OTOG: variants seen among roughly 807,000 people sequenced by gnomAD.
OTOG encodes otogelin.
In OTOG, 296 loss-of-function variants were observed where a neutral mutation model predicts 313.8. The ratio of observed to expected loss-of-function variants is 0.94; its 90% CI spans 0.86 to 1.04. The LOEUF (loss-of-function observed/expected upper bound fraction) is 1.04, where lower values mean the gene tolerates loss of function less well. Among genes scored for constraint, OTOG ranks in the 50% least tolerant of loss-of-function variants. The pLI is 0.00. For missense variants in OTOG, 3,948 were observed against 3,840.1 expected (o/e 1.03, Z -0.74); for synonymous variants, 1,533 against 1,554.9 (o/e 0.99, Z 0.33).
chr11:17,551,864 G>A (rs1038029896), intron 3 of OTOG, 136 bp from the exon 4 acceptor site: 1 of 714,654 alleles, frequency 1.4e-6, no homozygotes, highest in Non-Finnish European at 2.4e-6. Context: ...GCGAGGAGGA[G>A]TGGCTGGGGC....
chr11:17,623,333 T>C (rs1853909938), intron 39 of OTOG, among the ~76,000 whole-genome samples: 1 of 152,164 alleles, frequency 6.6e-6, no homozygotes, highest in East Asian at 1.9e-4. Flanking sequence ...GTATCTGTTG[T>C]TCCCCTCTAC....
Position 17,600,439 on chromosome 11 carries a change from A to T in OTOG, c.3709+742A>T, listed in dbSNP as rs1416287100. 2.0e-5 allele frequency among the ~76,000 whole-genome samples: 3 copies of T among 152,092 alleles called. No individual in the cohort carries two copies. The East Asian group carries it at 5.8e-4, about 29-fold the overall frequency. Reference sequence around the variant, plus strand: ...TCCAATCCCCGACCCTCCTCCAGGGACTGTGCTGCCAGGAGCAGGCCTATG... The same window carrying T: ...TCCAATCCCCGACCCTCCTCCAGGGTCTGTGCTGCCAGGAGCAGGCCTATG... On this transcript the variant is annotated intron_variant, in intron 31 of 55. Coordinates refer to ENST00000399397, the MANE Select transcript of OTOG (RefSeq NM_001292063.2).
In OTOG at chr11:17,639,483, C is replaced by G. The variant is rs1230976025; in HGVS notation, c.7935+20C>G. 2.6e-6 allele frequency: 4 copies of G among 1,549,924 alleles called. No individual in the cohort carries two copies. In the East Asian group the frequency reaches 7.3e-5, roughly 28 times the overall value. ...CATCTGGTATGGAGACGCTCCTCCC[C>G]CAACACTCCCTGGTCTGCTCCCCTT... is the stretch of plus-strand genomic sequence containing the variant. On this transcript the variant is annotated intron_variant, in intron 49 of 55. Transcript: ENST00000399397.
At chr11:17,612,062 G>T (rs1460129670) in intron 36 of OTOG, 100 bp from the exon 37 acceptor site, 3 of 1,396,900 alleles carry the variant, frequency 2.1e-6, no homozygotes, top group Non-Finnish European at 2.9e-6. Context: ...CCCCTGCCCC[G>T]CTAGGACCTA....
At chr11:17,549,027 G>A (rs1048817329) in intron 3 of OTOG, among the ~76,000 whole-genome samples, 31 of 152,220 alleles carry the variant, frequency 2.0e-4, no homozygotes, top group African/African-American at 7.5e-4. Flanking sequence ...TCTATCCTTT[G>A]AGTCTTGACC....
intron 23 of OTOG, among the ~76,000 whole-genome samples, chr11:17,584,987 T>C (rs1852759611): frequency 6.6e-6 from 1 of 152,252 alleles, no homozygotes; most frequent in Admixed American, 6.5e-5. Flanking sequence ...CTGTGGTCTG[T>C]GGTTTTCCAT....
chr11:17,644,538 A>C (rs1164827316), intron 54 of OTOG, among the ~76,000 whole-genome samples: 2 of 152,250 alleles, frequency 1.3e-5, no homozygotes, highest in Non-Finnish European at 2.9e-5. Context: ...TGGAGCTGAT[A>C]TTTAGTGGGA....
intron 15 of OTOG, among the ~76,000 whole-genome samples, chr11:17,568,626 G>A (rs916160731): frequency 6.6e-6 from 1 of 152,216 alleles, no homozygotes; most frequent in Non-Finnish European, 1.5e-5. Flanking sequence ...GTGTTTAAAT[G>A]AATGATTGTG....
chr11:17,583,473 T>G (rs10832808), intron 23 of OTOG, among the ~76,000 whole-genome samples: 36,188 of 152,004 alleles, frequency 0.24, 5,101 homozygotes, highest in African/African-American at 0.41. Context: ...TATTTAAAAT[T>G]ATTATATTTT....
Position 17,557,193 on chromosome 11 carries a change from A to G in OTOG, c.735A>G (p.Ser245=). 1 of 1,550,664 alleles carries G rather than the reference A, an allele frequency of 6.4e-7. No individual in the cohort carries two copies. The highest frequency in any genetic ancestry group is 8.7e-7 in the Non-Finnish European group (1 of 1,147,012). ...GCTATGTCATCGTGCGGCATCAGTC[A>G]GCCTTCACACTGGCCTGGGATGGTG... The part of the protein sequence containing the change: ...LAGYVIVRHQ[S]AFTLAWDGAS... The change falls in exon 8 of 56, where the codon TCA becomes TCG. Residue 245 remains serine, a synonymous_variant. Transcript: ENST00000399397.
chr11:17,640,639 C>T, intron 49 of OTOG, 106 bp from the exon 50 acceptor site: 1 of 1,215,834 alleles, frequency 8.2e-7, no homozygotes, highest in Non-Finnish European at 1.1e-6. Context: ...CCCCTCCTGC[C>T]CACCACAGGG....
chr11:17,623,379 T>C (rs1853910717), intron 39 of OTOG, among the ~76,000 whole-genome samples: 1 of 152,214 alleles, frequency 6.6e-6, no homozygotes, highest in Non-Finnish European at 1.5e-5. Context: ...CTCCCACTTA[T>C]CAGTGAGAAC....
At chr11:17,551,951 C>T (rs890742206) in intron 3 of OTOG, 49 bp from the exon 4 acceptor site, 23 of 1,516,396 alleles carry the variant, frequency 1.5e-5, no homozygotes, top group Middle Eastern at 1.7e-4. Flanking sequence ...CCTGGGAACC[C>T]GTCCTGAGGT....
chr11:17,551,903 G>A, intron 3 of OTOG, 97 bp from the exon 4 acceptor site: 1 of 1,083,466 alleles, frequency 9.2e-7, no homozygotes, highest in South Asian at 1.4e-5. Flanking sequence ...CTCCCTCTGG[G>A]AGATGAACAA....
intron 17 of OTOG, 37 bp downstream of exon 17, chr11:17,570,427 A>G: frequency 1.9e-6 from 3 of 1,544,510 alleles, no homozygotes; most frequent in South Asian, 1.2e-5. Context: ...AGAAGAGGGG[A>G]AATGGGCCCC....
chr11:17,552,614 C>CTGTGTCCCCCACCTG (rs1158447407), intron 4 of OTOG, among the ~76,000 whole-genome samples: 22 of 151,782 alleles, frequency 1.4e-4, no homozygotes, highest in African/African-American at 4.6e-4. Flanking sequence ...CCCACCTGTC[C>CTGTGTCCCCCACCTG]TCTCACATCA....
At chr11:17,557,668 G>A (rs916447653) in intron 8 of OTOG, among the ~76,000 whole-genome samples, 4 of 152,042 alleles carry the variant, frequency 2.6e-5, no homozygotes, top group African/African-American at 9.7e-5. Flanking sequence ...AAGAGAAATG[G>A]CCCAGCTAAA....
At chr11:17,635,054 G>A (rs1252479742) in intron 45 of OTOG, 26 bp from the exon 46 acceptor site, 3 of 1,541,660 alleles carry the variant, frequency 1.9e-6, no homozygotes, top group Non-Finnish European at 1.8e-6. Context: ...TCCTCTCCCA[G>A]CACCTAAATT....
In OTOG at chr11:17,561,869, G is replaced by C. The variant is rs374020132; in HGVS notation, c.1644+62G>C. 150 of 1,540,078 alleles carry C rather than the reference G, an allele frequency of 9.7e-5. No homozygotes were observed. In the African/African-American group the frequency reaches 1.8e-3, roughly 18 times the overall value. ...CTACTCCTGCCTACTGCCCCCAAGA[G>C]AGACTGGGACTTAGGACAGGGCTCA... On this transcript the variant is annotated intron_variant, in intron 15 of 55. Transcript: ENST00000399397.
Sources: gnomAD v4.1 joint callset for allele counts (sites outside exome capture counted in the v4.1 genomes callset) on GRCh38, gnomAD v4.1.1 for gene constraint, MANE v1.5 for transcripts, NCBI Gene and HGNC (gene_info 2026-07-23, HGNC 2026-07-21) for gene names.